Variants in ERP29 observed in about 807,000 individuals in gnomAD.
The protein encoded by ERP29 is endoplasmic reticulum resident protein 29.
A neutral mutation model predicts 21.7 loss-of-function variants in ERP29; 14 were observed. That is an observed-to-expected ratio of 0.64 (90% CI 0.43 to 1.01). ERP29 has a LOEUF of 1.01. Among genes scored for constraint, ERP29 ranks in the 50% least tolerant of loss-of-function variants. The pLI is 0.00. For synonymous variants in ERP29, 129 were observed against 139.1 expected, an observed-to-expected ratio of 0.93 and a Z score of 0.51; for missense variants, 286 against 327.3, an observed-to-expected ratio of 0.87 and a Z score of 0.97.
At chr12:112,020,403 C>G (rs748457996) in intron 2 of ERP29, among the ~76,000 whole-genome samples, 15 of 152,122 alleles carry the variant, frequency 9.9e-5, no homozygotes, top group Non-Finnish European at 8.8e-5. Context: ...AAGATCTGCA[C>G]CCCCATTGCA....
At position 112,022,770 on chromosome 12, in the gene ERP29, G is replaced by T; in HGVS notation, c.*118G>T. 3.9e-6 allele frequency: 4 copies of T among 1,014,500 alleles called. No homozygotes were observed. The South Asian group carries it at 4.8e-5, about 12-fold the overall frequency. The allele number at this position is 1,014,500 out of a possible 1,614,324, so 62.8% of individuals were successfully genotyped here. A position where few individuals can be genotyped will look rare whatever the true frequency, so the allele number is the denominator to read the frequency against. ...AGTGGGAAAAGTGGTACTAACCCAC[G>T]ATTCTGAGCCCTGAGTATGCCTGGA... On this transcript the variant is annotated 3_prime_UTR_variant, in exon 3 of 3. Transcript: ENST00000261735.
At chr12:112,021,063 T>C (rs572031087) in intron 2 of ERP29, among the ~76,000 whole-genome samples, 7 of 152,368 alleles carry the variant, frequency 4.6e-5, no homozygotes, top group South Asian at 2.1e-4. Context: ...AGGAAGGATG[T>C]TGCAGATACT....
intron 2 of ERP29, 46 bp from the exon 3 acceptor site, chr12:112,022,103 CT>C (rs764386660): frequency 1.2e-6 from 2 of 1,602,650 alleles, no homozygotes; most frequent in Non-Finnish European, 1.7e-6. Context: ...ATTTTCTGCC[CT>C]GAGTTCCTTA....
rs2136783698 is a variant in ERP29, at chr12:112,023,431, A to C, written c.*779A>C. 1 of 152,376 alleles carries C rather than the reference A, an allele frequency of 6.6e-6. No homozygotes were observed. The highest frequency in any genetic ancestry group is 1.9e-4 in the East Asian group (1 of 5,194). The allele number at this position is 152,376 out of a possible 1,614,324, so 9.4% of individuals were successfully genotyped here. A position where few individuals can be genotyped will look rare whatever the true frequency, so the allele number is the denominator to read the frequency against. ...ATACTAACTTCTAGAAAGCAGAATAAAGAGCACTTGTGCCAACATTCACAT... is the reference window on the plus strand; with the variant it reads ...ATACTAACTTCTAGAAAGCAGAATACAGAGCACTTGTGCCAACATTCACAT... On this transcript the variant is annotated 3_prime_UTR_variant, in exon 3 of 3. Coordinates refer to ENST00000261735, the MANE Select transcript of ERP29 (RefSeq NM_006817.4).
Position 112,022,535 on chromosome 12 carries a change from G to C in ERP29, c.669G>C (p.Arg223=). The part of the protein sequence containing the change: ...GEDFPASEMT[R]IARLIEKNKM... ...ACTTCCCAGCATCAGAGATGACACG[G>C]ATCGCCAGGCTGATTGAGAAGAACA... Residue 223 remains arginine, a synonymous_variant, in exon 3 of 3, where the codon CGG becomes CGC. Coordinates refer to ENST00000261735, the MANE Select transcript of ERP29 (RefSeq NM_006817.4). 6.2e-7 allele frequency: 1 copy of C among 1,614,200 alleles called. No homozygotes were observed. Among genetic ancestry groups the C allele is most frequent in the Middle Eastern group, 1.6e-4 (1 of 6,062 alleles).
At chr12:112,013,882 CCCCTT>C (rs1209030083) in intron 1 of ERP29, among the ~76,000 whole-genome samples, 1 of 152,260 alleles carries the variant, frequency 6.6e-6, no homozygotes, top group South Asian at 2.1e-4. Flanking sequence ...GAACTGGGTG[CCCCTT>C]CCCTTCACCT....
intron 1 of ERP29, 54 bp downstream of exon 1, chr12:112,013,663 C>G: frequency 6.7e-7 from 1 of 1,486,156 alleles, no homozygotes; most frequent in Non-Finnish European, 9.0e-7. Flanking sequence ...CCCGGAAGAG[C>G]GCGCGCCCGT....
At chr12:112,021,511 T>C (rs952195898) in intron 2 of ERP29, among the ~76,000 whole-genome samples, 1 of 143,826 alleles carries the variant, frequency 7.0e-6, no homozygotes, top group Non-Finnish European at 1.5e-5. Context: ...ATGAGCTTAA[T>C]AGTCTTTTTT....
chr12:112,019,920 G>C (rs369454134), intron 2 of ERP29, 26 bp downstream of exon 2: 193 of 1,613,162 alleles, frequency 1.2e-4, no homozygotes, highest in Non-Finnish European at 1.6e-4. Flanking sequence ...GGACGGCTGG[G>C]GGGGCAGAGA....
chr12:112,022,352 C>T lies in ERP29; in HGVS notation c.486C>T (p.Asp162=), dbSNP rs767717338. 6.4e-5 allele frequency: 103 copies of T among 1,614,008 alleles called. No individual in the cohort carries two copies. The highest frequency in any genetic ancestry group is 4.9e-4 in the Middle Eastern group (3 of 6,082). ...TGCCTGGTTGCCTGCCTGTATACGA[C>T]GCCCTGGCCGGGGAGTTCATCAGGG... ...LGMPGCLPVY[D]ALAGEFIRAS... Residue 162 remains aspartate (D), a synonymous_variant, in exon 3 of 3, where the codon GAC becomes GAT. Coordinates refer to ENST00000261735, the MANE Select transcript of ERP29 (RefSeq NM_006817.4).
rs1004797904 is a variant in ERP29, at chr12:112,023,409, C to G, written c.*757C>G. 1 of 152,178 alleles carries G rather than the reference C, an allele frequency of 6.6e-6. No homozygotes were observed. The highest frequency in any genetic ancestry group is 1.5e-5 in the Non-Finnish European group (1 of 68,032). 9.4% of individuals were successfully genotyped at this position (152,178 alleles called of 1,614,324 possible). ...CTAAATCACTATCACTAAATAAATA[C>G]TAACTTCTAGAAAGCAGAATAAAGA... On this transcript the variant is annotated 3_prime_UTR_variant, in exon 3 of 3. Coordinates refer to ENST00000261735, the MANE Select transcript of ERP29 (RefSeq NM_006817.4).
At chr12:112,015,747 T>G (rs141322648) in intron 1 of ERP29, among the ~76,000 whole-genome samples, 2 of 152,324 alleles carry the variant, frequency 1.3e-5, no homozygotes, top group Admixed American at 1.3e-4. Context: ...GTCTCCCTGC[T>G]TCCACTCTTG....
intron 1 of ERP29, among the ~76,000 whole-genome samples, chr12:112,014,375 C>G (rs2077981935): frequency 6.6e-6 from 1 of 152,216 alleles, no homozygotes; most frequent in South Asian, 2.1e-4. Context: ...TTATCAGAAT[C>G]TAATGCCTGA....
chr12:112,018,481 G>C (rs1245862043), intron 1 of ERP29, among the ~76,000 whole-genome samples: 1 of 152,184 alleles, frequency 6.6e-6, no homozygotes, highest in Non-Finnish European at 1.5e-5. Context: ...GAAAAAACTT[G>C]ATAGGGATCA....
chr12:112,022,745 A>G lies in ERP29; in HGVS notation c.*93A>G. 7.7e-7 allele frequency: 1 copy of G among 1,298,742 alleles called. No individual in the cohort carries two copies. The highest frequency in any genetic ancestry group is 1.1e-6 in the Non-Finnish European group (1 of 947,764). 80.5% of individuals were successfully genotyped at this position (1,298,742 alleles called of 1,614,324 possible). On this transcript the variant is annotated 3_prime_UTR_variant, in exon 3 of 3. Transcript: ENST00000261735. ...AGTCCCTTGTGGAATATAAGGGGGT[A>G]GTGGGAAAAGTGGTACTAACCCACG...
At chr12:112,019,179 C>T (rs931616587) in intron 1 of ERP29, 2 of 160,718 alleles carry the variant, frequency 1.2e-5, no homozygotes, top group African/African-American at 4.8e-5. Context: ...AAGTCTTGGC[C>T]CTGACAGTTT....
At chr12:112,020,469 A>G (rs1383549044) in intron 2 of ERP29, among the ~76,000 whole-genome samples, 3 of 152,090 alleles carry the variant, frequency 2.0e-5, no homozygotes, top group African/African-American at 7.2e-5. Context: ...TCTCCATGTT[A>G]TACTTCAGGA....
chr12:112,020,902 C>T (rs1456658769), intron 2 of ERP29, among the ~76,000 whole-genome samples: 1 of 152,144 alleles, frequency 6.6e-6, no homozygotes, highest in Non-Finnish European at 1.5e-5. Flanking sequence ...GTAACTTGCT[C>T]AAGATTGTGG....
At position 112,022,684 on chromosome 12, in the gene ERP29, G is replaced by A. The variant is rs377013289; in HGVS notation, c.*32G>A. On this transcript the variant is annotated 3_prime_UTR_variant, in exon 3 of 3. Transcript: ENST00000261735. ...TGTCTGTGATTTTCCAGGGTTTGGT[G>A]GGGGTAGGGAGGGGAGAGTTAACCT... 1 of 1,574,380 alleles carries A rather than the reference G, an allele frequency of 6.4e-7. No homozygotes were observed. The highest frequency in any genetic ancestry group is 8.6e-7 in the Non-Finnish European group (1 of 1,162,072).
Sources: gnomAD v4.1 joint callset for allele counts (sites outside exome capture counted in the v4.1 genomes callset) on GRCh38, gnomAD v4.1.1 for gene constraint, MANE v1.5 for transcripts, NCBI Gene and HGNC (gene_info 2026-07-23, HGNC 2026-07-21) for gene names.